The following KLHDC4 variants were observed in gnomAD, a reference collection of about 807,000 sequenced individuals.
KLHDC4 encodes kelch domain-containing protein 4.
Under a neutral mutation model 62.4 loss-of-function variants are expected in KLHDC4, and 90 were observed. The observed-to-expected ratio is 1.44, with a 90% CI of 1.22 to 1.72. KLHDC4 has a LOEUF of 1.72. Ranked by LOEUF, KLHDC4 falls within the 40% of genes most tolerant of loss-of-function variation. The pLI, the probability that KLHDC4 is intolerant of heterozygous loss-of-function variation, is 0.00. For synonymous variants in KLHDC4, 386 were observed against 284.4 expected (o/e 1.36, Z -3.59); for missense variants, 1,025 against 699.7 (o/e 1.47, Z -5.25).
At chr16:87,718,328 TCCCTCC>T (rs2037459210) in intron 7 of KLHDC4, among the ~76,000 whole-genome samples, 1 of 9,566 alleles carries the variant, frequency 1.0e-4, no homozygotes, top group Non-Finnish European at 1.9e-4. Context: ...CCCCTCCCTC[TCCCTCC>T]CCCTCTCCTC....
intron 7 of KLHDC4, among the ~76,000 whole-genome samples, chr16:87,717,255 G>T (rs2037190813): frequency 6.6e-6 from 1 of 152,184 alleles, no homozygotes; most frequent in South Asian, 2.1e-4. Context: ...AAGAGACCAA[G>T]ATTTGGGCAA....
At chr16:87,740,225 C>A (rs35606819) in intron 5 of KLHDC4, among the ~76,000 whole-genome samples, 1 of 152,116 alleles carries the variant, frequency 6.6e-6, no homozygotes, top group African/African-American at 2.4e-5. Flanking sequence ...CAAGCTCAGC[C>A]GGCAGGGCAG....
At chr16:87,728,948 G>C (rs1457017235) in intron 6 of KLHDC4, among the ~76,000 whole-genome samples, 3 of 152,012 alleles carry the variant, frequency 2.0e-5, no homozygotes, top group Non-Finnish European at 2.9e-5. Context: ...CTAATTTTTT[G>C]TATTTTTTAG....
intron 4 of KLHDC4, among the ~76,000 whole-genome samples, chr16:87,751,297 A>C (rs2043887948): frequency 6.6e-6 from 1 of 152,088 alleles, no homozygotes; most frequent in Non-Finnish European, 1.5e-5. Context: ...AACATGGTGA[A>C]ACCCTGTCTG....
chr16:87,741,912 T>C (rs1362837811), intron 5 of KLHDC4, among the ~76,000 whole-genome samples: 1 of 152,186 alleles, frequency 6.6e-6, no homozygotes, highest in Admixed American at 6.5e-5. Context: ...GGCTGCGTCA[T>C]GGTAGCAACG....
At chr16:87,760,515 G>A (rs937427502) in intron 2 of KLHDC4, among the ~76,000 whole-genome samples, 1 of 149,542 alleles carries the variant, frequency 6.7e-6, no homozygotes, top group East Asian at 2.0e-4. Flanking sequence ...GCTGAGGCAG[G>A]AGAATGGCGT....
intron 5 of KLHDC4, among the ~76,000 whole-genome samples, chr16:87,742,300 C>T (rs572808829): frequency 1.2e-4 from 19 of 152,284 alleles, no homozygotes; most frequent in Admixed American, 3.3e-4. Flanking sequence ...CCTGACGATC[C>T]GGCCACATAG....
At chr16:87,719,076 G>A (rs62055574) in intron 7 of KLHDC4, among the ~76,000 whole-genome samples, 11,421 of 150,690 alleles carry the variant, frequency 0.076, 577 homozygotes, top group Non-Finnish European at 0.11. Context: ...CCGGCCAGCC[G>A]CCCCGTCTGG....
Position 87,711,231 on chromosome 16 carries a change from C to T in KLHDC4, c.1044+4G>A, listed in dbSNP as rs371199058. The T allele has an allele frequency of 4.3e-6, 7 of 1,613,818 alleles. No individual in the cohort carries two copies. In the African/African-American group the frequency reaches 8.0e-5, roughly 18 times the overall value. On this transcript the variant is annotated splice_donor_region_variant and intron_variant, in intron 9 of 11. Coordinates refer to ENST00000270583, the MANE Select transcript of KLHDC4 (RefSeq NM_017566.4). The stretch of plus-strand genomic sequence containing the variant: ...CGGCGCATGCTACTCAGAGGTTGCA[C>T]TACCTTCAGCTGTCCCTCAAACCAA...
intron 4 of KLHDC4, among the ~76,000 whole-genome samples, chr16:87,753,569 G>A (rs1567813286): frequency 6.6e-6 from 1 of 152,120 alleles, no homozygotes; most frequent in Non-Finnish European, 1.5e-5. Flanking sequence ...GGAGGCCGAG[G>A]TGGGTGGATC....
chr16:87,714,606 G>A (rs1567672903), intron 7 of KLHDC4, 33 bp from the exon 8 acceptor site: 1 of 1,612,254 alleles, frequency 6.2e-7, no homozygotes, highest in Non-Finnish European at 8.5e-7. Flanking sequence ...GAGAACCGGG[G>A]GCAGCTACAG....
At chr16:87,761,011 T>C (rs574159121) in intron 2 of KLHDC4, among the ~76,000 whole-genome samples, 30 of 152,086 alleles carry the variant, frequency 2.0e-4, no homozygotes, top group African/African-American at 7.2e-4. Context: ...CCAGCCTGGA[T>C]GACAGAGTGA....
chr16:87,716,406 C>A (rs2036998472), intron 7 of KLHDC4, among the ~76,000 whole-genome samples: 1 of 152,140 alleles, frequency 6.6e-6, no homozygotes, highest in Admixed American at 6.5e-5. Flanking sequence ...CTATCACTAC[C>A]CATCTTTGTT....
chr16:87,722,194 T>C (rs1356018557), intron 7 of KLHDC4, among the ~76,000 whole-genome samples: 1 of 152,242 alleles, frequency 6.6e-6, no homozygotes, highest in African/African-American at 2.4e-5. Context: ...GTCAAAGCAC[T>C]AGCTGGACCC....
intron 2 of KLHDC4, among the ~76,000 whole-genome samples, chr16:87,760,411 T>G (rs914647294): frequency 4.0e-5 from 6 of 150,104 alleles, no homozygotes; most frequent in African/African-American, 1.2e-4. Context: ...ATCAAGACCA[T>G]CCTGGCCAAC....
intron 5 of KLHDC4, among the ~76,000 whole-genome samples, chr16:87,733,364 C>G (rs933710116): frequency 6.6e-6 from 1 of 152,206 alleles, no homozygotes; most frequent in Non-Finnish European, 1.5e-5. Context: ...TCAGAAAGCT[C>G]GCAGAGGTGC....
intron 6 of KLHDC4, among the ~76,000 whole-genome samples, chr16:87,729,540 C>G (rs1328624451): frequency 6.6e-6 from 1 of 152,146 alleles, no homozygotes; most frequent in Non-Finnish European, 1.5e-5. Flanking sequence ...ACAGGGATAA[C>G]CAGCTCCCCT....
Position 87,719,682 on chromosome 16 carries a change from A to C in KLHDC4, c.760-5109T>G, listed in dbSNP as rs11863629. 7.4e-3 allele frequency among the ~76,000 whole-genome samples: 1,123 copies of C among 151,690 alleles called. 22 individuals are homozygous for C. Among genetic ancestry groups the C allele is most frequent in the African/African-American group, 0.026 (1,073 of 41,332 alleles). ...GATCAATAAATACTAAAAAAAAAAA[A>C]CAAAAAACTGATTCGGCTACGGTAA... On this transcript the variant is annotated intron_variant, in intron 7 of 11. Transcript: ENST00000270583.
At chr16:87,698,464 T>G (rs1247246228) in exon 1 of KLHDC4, 1 of 152,254 alleles carries the variant, frequency 6.6e-6, no homozygotes, top group Non-Finnish European at 1.5e-5. Flanking sequence ...AAACGGTACC[T>G]GTGAGCAGGA....
Sources: gnomAD v4.1 joint callset for allele counts (sites outside exome capture counted in the v4.1 genomes callset) on GRCh38, gnomAD v4.1.1 for gene constraint, MANE v1.5 for transcripts, NCBI Gene and HGNC (gene_info 2026-07-23, HGNC 2026-07-21) for gene names.